Variants in CLMN observed in about 807,000 individuals in gnomAD.
CLMN encodes the protein calmin.
In CLMN, 57 loss-of-function variants were observed where a neutral mutation model predicts 92.7. The observed-to-expected ratio is 0.61, with a 90% CI of 0.50 to 0.77. CLMN has a LOEUF of 0.77. CLMN is among the 30% of genes least tolerant of loss of function. The probability of loss-of-function intolerance (pLI) is 0.00; values close to 1 mark genes in which losing one functional copy is unlikely to be tolerated. For missense variants in CLMN, 1,158 were observed against 1,237.5 expected, an observed-to-expected ratio of 0.94 and a Z score of 0.96; for synonymous variants, 466 against 470.6, an observed-to-expected ratio of 0.99 and a Z score of 0.13.
chr14:95,239,400 G>GA (rs1276887058), intron 1 of CLMN, among the ~76,000 whole-genome samples: 5 of 152,318 alleles, frequency 3.3e-5, no homozygotes, highest in Non-Finnish European at 5.9e-5. Flanking sequence ...ATGGAATGGA[G>GA]ATAGAAAAGT....
chr14:95,296,380 CA>C (rs1900809925), intron 1 of CLMN: 1 of 152,258 alleles, frequency 6.6e-6, no homozygotes, highest in South Asian at 2.1e-4. Context: ...GCTGTAAAAA[CA>C]CAACAAAACT....
At position 95,194,765 on chromosome 14, in the gene CLMN, G is replaced by A. The variant is rs1050534849; in HGVS notation, c.2709-169C>T. Among the ~76,000 whole-genome samples, 2 of 151,840 alleles carry A rather than the reference G, an allele frequency of 1.3e-5. No homozygotes were observed. The highest frequency in any genetic ancestry group is 4.9e-5 in the African/African-American group (2 of 41,062). ...ATATCTAACATGCCTACTTTGGTTG[G>A]ACAGTGCTTACAAATAGGATGGATA... is the stretch of plus-strand genomic sequence containing the variant. On this transcript the variant is annotated intron_variant, in intron 10 of 12. Transcript: ENST00000298912. This position sits in a 1 kb window ranked among gnomAD's most constrained non-coding sequence, Gnocchi z 4.0.
intron 2 of CLMN, among the ~76,000 whole-genome samples, chr14:95,224,849 A>G (rs1000862880): frequency 6.6e-6 from 1 of 152,092 alleles, no homozygotes; most frequent in African/African-American, 2.4e-5. Context: ...TCATTGCTTC[A>G]CCAATATTTA....
chr14:95,204,722 T>A (rs561304661), intron 8 of CLMN, among the ~76,000 whole-genome samples: 135 of 152,296 alleles, frequency 8.9e-4, no homozygotes, highest in African/African-American at 2.9e-3. Context: ...CCATGTTTTT[T>A]AAAAAGCTAT....
At chr14:95,224,835 C>T (rs1369188837) in intron 2 of CLMN, among the ~76,000 whole-genome samples, 1 of 152,160 alleles carries the variant, frequency 6.6e-6, no homozygotes, top group Non-Finnish European at 1.5e-5. Context: ...TCCTGAGGTG[C>T]CCGTCATTGC....
chr14:95,191,493 A>T lies in CLMN; in HGVS notation c.*71T>A. On this transcript the variant is annotated 3_prime_UTR_variant, in exon 13 of 13. Coordinates refer to ENST00000298912, the MANE Select transcript of CLMN (RefSeq NM_024734.4). This position sits in a 1 kb window ranked among gnomAD's most constrained non-coding sequence, Gnocchi z 5.3. ...CTGTCTGTAGAAGTGCCCCACCCAG[A>T]ACCCAAAATAAAATGAAGTAACCCC... 1 of 1,398,936 alleles carries T rather than the reference A, an allele frequency of 7.1e-7. No homozygotes were observed. Among genetic ancestry groups the T allele is most frequent in the Non-Finnish European group, 9.6e-7 (1 of 1,037,060 alleles). 86.7% of individuals were successfully genotyped at this position (1,398,936 alleles called of 1,614,324 possible).
At chr14:95,315,803 G>A (rs950439261) in intron 1 of CLMN, among the ~76,000 whole-genome samples, 1 of 152,234 alleles carries the variant, frequency 6.6e-6, no homozygotes, top group Non-Finnish European at 1.5e-5. Flanking sequence ...TCAAGCTACA[G>A]TCTGGCTGGG....
At chr14:95,199,520 C>T (rs1187626) in intron 9 of CLMN, among the ~76,000 whole-genome samples, 12,523 of 152,152 alleles carry the variant, frequency 0.082, 942 homozygotes, top group East Asian at 0.43. Context: ...TGTATGCCCC[C>T]GAAACCATCG....
chr14:95,283,770 C>G (rs1010830084), intron 1 of CLMN, among the ~76,000 whole-genome samples: 9 of 152,158 alleles, frequency 5.9e-5, no homozygotes, highest in African/African-American at 2.2e-4. Flanking sequence ...CAAGAGGTGA[C>G]TTGGGCACTG....
Position 95,203,440 on chromosome 14 carries a change from C to T in CLMN, c.1909G>A (p.Glu637Lys), listed in dbSNP as rs372466800. The T allele has an allele frequency of 8.1e-6, 13 of 1,614,068 alleles. No individual in the cohort carries two copies. In the African/African-American group the frequency reaches 1.1e-4, roughly 13 times the overall value. ...GCTGAAGGACAGCCTTCAGCTTCTT[C>T]TCCGGAGTCCTGATGAGGTTCATGT... ...DKHEPHQDSG[E>K]EAEGCPSAPE... The change falls in exon 9 of 13, where the codon GAA becomes AAA. Residue 637 changes from glutamate to lysine, a missense_variant. By Grantham distance (56) the Glu-to-Lys change is moderately conservative (BLOSUM62 1). Coordinates refer to ENST00000298912, the MANE Select transcript of CLMN (RefSeq NM_024734.4).
chr14:95,317,365 T>C (rs76746858), intron 1 of CLMN, among the ~76,000 whole-genome samples: 7,672 of 152,232 alleles, frequency 0.05, 220 homozygotes, highest in Middle Eastern at 0.082. Flanking sequence ...TTCTCAGCAA[T>C]GCTAAGCAAA....
chr14:95,204,163 T>C lies in CLMN; in HGVS notation c.1186A>G (p.Ser396Gly). ...TCTGGAGATGGCTCACTGATGTCGC[T>C]GGTCTTACCTGGGCCCCCTTGCAGG... is the stretch of plus-strand genomic sequence containing the variant. ...QVLQGGPGKT[S>G]DISEPSPESS... Residue 396 changes from serine (S) to glycine (G), a missense_variant, in exon 9 of 13, where the codon AGC (serine) becomes GGC (glycine). Ser to Gly is a moderately conservative substitution (Grantham distance 56, BLOSUM62 0). Transcript: ENST00000298912. The C allele has an allele frequency of 6.2e-7, 1 of 1,614,198 alleles. No homozygotes were observed. Among genetic ancestry groups the C allele is most frequent in the Non-Finnish European group, 8.5e-7 (1 of 1,180,044 alleles).
At chr14:95,208,336 T>G (rs1284676381) in intron 8 of CLMN, among the ~76,000 whole-genome samples, 5 of 152,138 alleles carry the variant, frequency 3.3e-5, no homozygotes, top group African/African-American at 1.2e-4. Flanking sequence ...CTGTCATTAT[T>G]ATCAGCTCGG....
chr14:95,244,315 A>T (rs575052951), intron 1 of CLMN, among the ~76,000 whole-genome samples: 1 of 152,360 alleles, frequency 6.6e-6, no homozygotes, highest in Admixed American at 6.5e-5. Context: ...CTATTCAGGT[A>T]GCCTGTTCCA....
chr14:95,228,452 C>T (rs1003105215), intron 2 of CLMN, among the ~76,000 whole-genome samples: 25 of 152,198 alleles, frequency 1.6e-4, no homozygotes, highest in Admixed American at 1.6e-3. Flanking sequence ...GGTGGCACTG[C>T]GTCACATGTT....
chr14:95,319,521 C>A (rs1006270232), intron 1 of CLMN, among the ~76,000 whole-genome samples, 190 bp downstream of exon 1: 2 of 152,176 alleles, frequency 1.3e-5, no homozygotes, highest in African/African-American at 4.8e-5. Context: ...CAACTGTAAA[C>A]CTGGCCGCGG....
At chr14:95,307,391 A>G (rs939913492) in intron 1 of CLMN, 43 of 152,308 alleles carry the variant, frequency 2.8e-4, no homozygotes, top group African/African-American at 8.9e-4. Flanking sequence ...ACAAGCCATC[A>G]TTAACAACAA....
At chr14:95,273,629 C>A (rs962583397) in intron 1 of CLMN, among the ~76,000 whole-genome samples, 23 of 152,302 alleles carry the variant, frequency 1.5e-4, no homozygotes, top group Non-Finnish European at 2.8e-4. Context: ...CTGCACCCGG[C>A]CCCTGCAGCA....
intron 9 of CLMN, chr14:95,198,994 T>TGGGGGAAGA (rs908344610): frequency 6.6e-6 from 1 of 152,206 alleles, no homozygotes; most frequent in Non-Finnish European, 1.5e-5. Context: ...TTCCTCTCCC[T>TGGGGGAAGA]GGGGGAAGAG....
Sources: allele counts gnomAD v4.1 joint callset (sites outside exome capture counted in the v4.1 genomes callset), GRCh38; gene constraint gnomAD v4.1.1; non-coding constraint Gnocchi (gnomAD v3.1); transcripts MANE v1.5; gene names NCBI Gene and HGNC (gene_info 2026-07-23, HGNC 2026-07-21).